ZNF804A: variants seen among roughly 807,000 people sequenced by gnomAD.
The protein encoded by ZNF804A is zinc finger protein 804A.
A neutral mutation model predicts 16.5 loss-of-function variants in ZNF804A; 2 were observed. The observed-to-expected ratio is 0.12, with a 90% confidence interval of 0.05 to 0.38. The LOEUF is 0.38. ZNF804A is among the 10% of genes least tolerant of loss of function. ZNF804A has a pLI of 0.99. For synonymous variants in ZNF804A, 534 were observed against 489.6 expected, an observed-to-expected ratio of 1.09 and a Z score of -1.20; for missense variants, 1,473 against 1,390.7, an observed-to-expected ratio of 1.06 and a Z score of -0.94.
At chr2:184,638,728 T>C (rs762452924) in intron 1 of ZNF804A, among the ~76,000 whole-genome samples, 5 of 152,182 alleles carry the variant, frequency 3.3e-5, no homozygotes, top group Non-Finnish European at 7.4e-5. Context: ...TTTCTCATTA[T>C]GTATATTTTG....
At position 184,917,641 on chromosome 2, in the gene ZNF804A, G is replaced by A. The variant is rs187000697; in HGVS notation, c.256-15962G>A. ...ATTATTAGTTATCGTTAATCTTACTGTGCCTAGTTTATAAATTAAACTATC... is the reference window on the plus strand; with the variant it reads ...ATTATTAGTTATCGTTAATCTTACTATGCCTAGTTTATAAATTAAACTATC... On this transcript the variant is annotated intron_variant, in intron 2 of 3. Coordinates refer to ENST00000302277, the MANE Select transcript of ZNF804A (RefSeq NM_194250.2). 2.4e-3 allele frequency among the ~76,000 whole-genome samples: 371 copies of A among 151,864 alleles called. 2 individuals are homozygous for A. Among genetic ancestry groups the A allele is most frequent in the Non-Finnish European group, 3.6e-3 (245 of 67,924 alleles).
chr2:184,617,843 T>C (rs1171990399), intron 1 of ZNF804A, among the ~76,000 whole-genome samples: 1 of 151,762 alleles, frequency 6.6e-6, no homozygotes, highest in Non-Finnish European at 1.5e-5. Flanking sequence ...TATTCTTTGT[T>C]AGGTCCATTG....
At chr2:184,603,052 T>C (rs1691074806) in intron 1 of ZNF804A, among the ~76,000 whole-genome samples, 1 of 152,190 alleles carries the variant, frequency 6.6e-6, no homozygotes, top group Non-Finnish European at 1.5e-5. Context: ...CACTCATTTC[T>C]GTCGGACCTA....
At chr2:184,916,093 G>A (rs144170946) in intron 2 of ZNF804A, among the ~76,000 whole-genome samples, 164 of 152,170 alleles carry the variant, frequency 1.1e-3, no homozygotes, top group African/African-American at 3.8e-3. Flanking sequence ...ATTCTTTCAT[G>A]GTATTACTTC....
intron 1 of ZNF804A, among the ~76,000 whole-genome samples, chr2:184,747,255 C>T (rs983223095): frequency 6.7e-6 from 1 of 148,178 alleles, no homozygotes; most frequent in Non-Finnish European, 1.5e-5. Context: ...AATAGGGCAA[C>T]CCGCTCGGGT....
chr2:184,709,266 A>G (rs1693085247), intron 1 of ZNF804A, among the ~76,000 whole-genome samples: 2 of 152,164 alleles, frequency 1.3e-5, no homozygotes, highest in African/African-American at 4.8e-5. Context: ...TTATCTAAAG[A>G]AACAAGTTGC....
intron 1 of ZNF804A, among the ~76,000 whole-genome samples, chr2:184,650,010 A>T (rs1249800351): frequency 6.6e-6 from 1 of 152,090 alleles, no homozygotes; most frequent in Non-Finnish European, 1.5e-5. Context: ...ACAACATAAA[A>T]AAGAAAACTG....
In ZNF804A at chr2:184,718,879, GC is replaced by G. The variant is rs567800873; in HGVS notation, c.111+119812del. 2.0e-3 allele frequency among the ~76,000 whole-genome samples: 305 copies of G among 152,202 alleles called. 1 individual carries two copies. Among genetic ancestry groups the G allele is most frequent in the African/African-American group, 7.1e-3 (293 of 41,540 alleles). ...CCATTCTGGGGTCTGGAGGACAGTG[GC>G]CCTCTTTTCACAGCTCAAGCAGGCG... is the stretch of plus-strand genomic sequence containing the variant. On this transcript the variant is annotated intron_variant, in intron 1 of 3. Transcript: ENST00000302277.
At chr2:184,708,462 G>A (rs1693068670) in intron 1 of ZNF804A, among the ~76,000 whole-genome samples, 1 of 152,062 alleles carries the variant, frequency 6.6e-6, no homozygotes, top group Admixed American at 6.6e-5. Context: ...CTCAATCTAT[G>A]GAACAGAATA....
intron 1 of ZNF804A, among the ~76,000 whole-genome samples, chr2:184,851,027 T>C (rs542959217): frequency 4.6e-5 from 7 of 151,814 alleles, no homozygotes. Flanking sequence ...CTGTTCTGTT[T>C]GCTTTTTTAC....
intron 1 of ZNF804A, among the ~76,000 whole-genome samples, chr2:184,638,447 A>G (rs982559263): frequency 6.6e-6 from 1 of 152,170 alleles, no homozygotes; most frequent in Admixed American, 6.5e-5. Context: ...CAGAGACCTC[A>G]TAATGTGTGG....
chr2:184,772,985 G>A (rs1297906394), intron 1 of ZNF804A, among the ~76,000 whole-genome samples: 2 of 146,194 alleles, frequency 1.4e-5, no homozygotes, highest in African/African-American at 5.0e-5. Flanking sequence ...ATATATATGT[G>A]TGTGTGGGGT....
chr2:184,618,981 T>C (rs1024325634), intron 1 of ZNF804A, among the ~76,000 whole-genome samples: 1 of 152,110 alleles, frequency 6.6e-6, no homozygotes, highest in Non-Finnish European at 1.5e-5. Flanking sequence ...GGGGGCCTTT[T>C]AATATATTTT....
intron 1 of ZNF804A, among the ~76,000 whole-genome samples, chr2:184,677,347 G>A (rs768974690): frequency 1.3e-5 from 2 of 151,870 alleles, no homozygotes; most frequent in African/African-American, 2.4e-5. Context: ...ATTTCCTCCT[G>A]TTTATGGCTG....
At chr2:184,731,726 T>C (rs1693525261) in intron 1 of ZNF804A, among the ~76,000 whole-genome samples, 1 of 151,818 alleles carries the variant, frequency 6.6e-6, no homozygotes, top group African/African-American at 2.4e-5. Flanking sequence ...TGCGCCACAC[T>C]ACCTGGCTAT....
At chr2:184,622,335 C>T (rs531033598) in intron 1 of ZNF804A, among the ~76,000 whole-genome samples, 1 of 151,662 alleles carries the variant, frequency 6.6e-6, no homozygotes, top group Non-Finnish European at 1.5e-5. Flanking sequence ...TATGGTTTTT[C>T]GATTGCTTTC....
chr2:184,859,821 A>G (rs569877726), intron 1 of ZNF804A, among the ~76,000 whole-genome samples: 1 of 152,350 alleles, frequency 6.6e-6, no homozygotes, highest in East Asian at 1.9e-4. Context: ...GCTGGAATCT[A>G]AAGTCGAGTT....
intron 1 of ZNF804A, among the ~76,000 whole-genome samples, chr2:184,621,885 A>G (rs1051431707): frequency 7.2e-5 from 11 of 151,826 alleles, no homozygotes; most frequent in Admixed American, 7.2e-4. Flanking sequence ...ATATGAGAAA[A>G]GAATTGACTG....
intron 1 of ZNF804A, among the ~76,000 whole-genome samples, chr2:184,634,967 A>T (rs992791337): frequency 2.6e-5 from 3 of 116,660 alleles, no homozygotes; most frequent in African/African-American, 9.4e-5. Context: ...TATTTTTTTA[A>T]AAAAATAAAA....
Sources: gnomAD v4.1 joint callset for allele counts (sites outside exome capture counted in the v4.1 genomes callset) on GRCh38, gnomAD v4.1.1 for gene constraint, MANE v1.5 for transcripts, NCBI Gene and HGNC (gene_info 2026-07-23, HGNC 2026-07-21) for gene names.